LRP1B: variants seen among roughly 807,000 people sequenced by gnomAD.
The protein encoded by LRP1B is LDL receptor related protein 1B.
In LRP1B, 217 loss-of-function variants were observed where a neutral mutation model predicts 556.6. The observed-to-expected ratio is 0.39, with a 90% CI of 0.35 to 0.44. The LOEUF is 0.44. Ranked by LOEUF, LRP1B falls within the 20% of genes least tolerant of loss-of-function variation. The pLI is 1.00. For synonymous variants in LRP1B, 2,047 were observed against 1,865.8 expected (o/e 1.10, Z -2.50); for missense variants, 5,053 against 5,620.8 (o/e 0.90, Z 3.23).
intron 2 of LRP1B, among the ~76,000 whole-genome samples, chr2:141,715,621 C>T (rs1692557228): frequency 6.6e-6 from 1 of 152,022 alleles, no homozygotes; most frequent in African/African-American, 2.4e-5. Context: ...TTGAGACCAG[C>T]CTGACCAACA....
chr2:140,986,842 A>AT (rs1281530355), intron 17 of LRP1B, among the ~76,000 whole-genome samples: 1 of 152,202 alleles, frequency 6.6e-6, no homozygotes, highest in Admixed American at 6.6e-5. Context: ...CGAAGTAGAA[A>AT]TTTTAGAAAA....
At chr2:141,818,873 G>A (rs1187227664) in intron 1 of LRP1B, among the ~76,000 whole-genome samples, 3 of 151,546 alleles carry the variant, frequency 2.0e-5, no homozygotes, top group Non-Finnish European at 2.9e-5. Context: ...TCCTTTGCTT[G>A]GGATGCCCTT....
chr2:141,882,057 T>C (rs1053154926), intron 1 of LRP1B, among the ~76,000 whole-genome samples: 1 of 152,040 alleles, frequency 6.6e-6, no homozygotes, highest in African/African-American at 2.4e-5. Flanking sequence ...GTGTAGGGCC[T>C]CAAGAGATGT....
At chr2:141,091,164 G>C (rs1465581968) in intron 7 of LRP1B, among the ~76,000 whole-genome samples, 1 of 152,004 alleles carries the variant, frequency 6.6e-6, no homozygotes, top group Non-Finnish European at 1.5e-5. Context: ...AAAAAGATCA[G>C]ATAAAGAGAG....
chr2:141,031,047 T>C (rs1698354494), intron 11 of LRP1B, among the ~76,000 whole-genome samples: 1 of 151,928 alleles, frequency 6.6e-6, no homozygotes, highest in African/African-American at 2.4e-5. Context: ...ACCTCCTACA[T>C]ATTCAGAATA....
intron 1 of LRP1B, among the ~76,000 whole-genome samples, chr2:141,967,520 A>G (rs1362369022): frequency 6.6e-6 from 1 of 151,844 alleles, no homozygotes; most frequent in Non-Finnish European, 1.5e-5. Flanking sequence ...CATTCCTTTC[A>G]ATCTTTTCAA....
At chr2:140,435,673 A>C (rs1686145714) in intron 66 of LRP1B, among the ~76,000 whole-genome samples, 1 of 151,996 alleles carries the variant, frequency 6.6e-6, no homozygotes, top group Non-Finnish European at 1.5e-5. Context: ...AAGACAGAAA[A>C]AAAAAAAAAG....
intron 2 of LRP1B, among the ~76,000 whole-genome samples, chr2:141,666,769 A>G (rs1465150988): frequency 6.6e-6 from 1 of 152,132 alleles, no homozygotes; most frequent in East Asian, 1.9e-4. Flanking sequence ...GAACTGATCT[A>G]GCTGTTATGT....
Position 141,123,252 on chromosome 2 carries a change from A to C in LRP1B, c.1014-60979T>G, listed in dbSNP as rs10928097. 2.7e-3 allele frequency among the ~76,000 whole-genome samples: 248 copies of C among 93,394 alleles called. 7 individuals carry two copies. The highest frequency in any genetic ancestry group is 0.023 in the East Asian group (50 of 2,130). 61.3% of individuals were successfully genotyped at this position (93,394 alleles called of 152,430 possible). On this transcript the variant is annotated intron_variant, in intron 7 of 90. Transcript: ENST00000389484. ...AACTTAAAGTATAATAAAAAAAAATAAATAAATAAATAAAAAAAAGAAAGT... is the reference window on the plus strand; with the variant it reads ...AACTTAAAGTATAATAAAAAAAAATCAATAAATAAATAAAAAAAAGAAAGT...
intron 10 of LRP1B, among the ~76,000 whole-genome samples, chr2:141,051,428 G>A (rs182794214): frequency 1.1e-3 from 173 of 151,998 alleles, no homozygotes; most frequent in East Asian, 6.0e-3. Flanking sequence ...CATATACGCC[G>A]TGGAATACTA....
intron 66 of LRP1B, among the ~76,000 whole-genome samples, chr2:140,433,400 T>C (rs1045940441): frequency 7.9e-5 from 12 of 152,178 alleles, no homozygotes; most frequent in Non-Finnish European, 1.3e-4. Flanking sequence ...GCCTGACAGA[T>C]GTTATACTTG....
intron 1 of LRP1B, among the ~76,000 whole-genome samples, chr2:141,973,107 A>G (rs1701792785): frequency 6.6e-6 from 1 of 151,628 alleles, no homozygotes. Flanking sequence ...AACTGCTGAA[A>G]TAACAAATTT....
intron 25 of LRP1B, among the ~76,000 whole-genome samples, chr2:140,873,249 A>G (rs1466070901): frequency 2.0e-5 from 3 of 152,140 alleles, no homozygotes; most frequent in Admixed American, 6.6e-5. Context: ...GTATAAACCC[A>G]GCCCAAGACG....
intron 3 of LRP1B, among the ~76,000 whole-genome samples, chr2:141,480,159 TTGTGTGTG>T (rs5834837): frequency 0.015 from 2,282 of 149,954 alleles, 29 homozygotes; most frequent in Middle Eastern, 0.041. Context: ...AAGTCTAAAT[TTGTGTGTG>T]TGTGTGTGTG....
intron 3 of LRP1B, among the ~76,000 whole-genome samples, chr2:141,314,431 A>T (rs1345585086): frequency 6.6e-6 from 1 of 152,174 alleles, no homozygotes; most frequent in African/African-American, 2.4e-5. Context: ...GGGAATGTAT[A>T]GTTAAAAGAA....
intron 2 of LRP1B, among the ~76,000 whole-genome samples, chr2:141,651,961 A>G (rs1689808666): frequency 6.6e-6 from 1 of 152,184 alleles, no homozygotes; most frequent in Non-Finnish European, 1.5e-5. Flanking sequence ...AATATTTAGA[A>G]ACTAGTTTAA....
At chr2:140,856,534 T>G (rs1444423467) in intron 27 of LRP1B, among the ~76,000 whole-genome samples, 4 of 152,196 alleles carry the variant, frequency 2.6e-5, no homozygotes, top group African/African-American at 9.7e-5. Flanking sequence ...TTTGGACTTT[T>G]GCAGGCTTTA....
At chr2:141,005,299 C>G (rs769938662) in intron 15 of LRP1B, 36 bp downstream of exon 15, 2 of 1,600,124 alleles carry the variant, frequency 1.2e-6, no homozygotes, top group African/African-American at 2.7e-5. Context: ...AGAAAGAGCC[C>G]GATAAACAAA....
At chr2:141,228,649 G>A (rs1455587445) in intron 6 of LRP1B, among the ~76,000 whole-genome samples, 1 of 151,724 alleles carries the variant, frequency 6.6e-6, no homozygotes, top group East Asian at 1.9e-4. Flanking sequence ...GTAATATGCA[G>A]GAAGAGAAGG....
Sources: gnomAD v4.1 joint callset for allele counts (sites outside exome capture counted in the v4.1 genomes callset) on GRCh38, gnomAD v4.1.1 for gene constraint, MANE v1.5 for transcripts, NCBI Gene and HGNC (gene_info 2026-07-23, HGNC 2026-07-21) for gene names.